The following PMFBP1 variants were observed in gnomAD, a reference collection of about 807,000 sequenced individuals.
PMFBP1 encodes the protein polyamine-modulated factor 1-binding protein 1.
PMFBP1 carries 131 observed loss-of-function variants against 137.8 expected under a neutral mutation model. That is an observed-to-expected ratio of 0.95 (90% CI 0.82 to 1.10). PMFBP1 has a LOEUF of 1.10. Ranked by LOEUF, PMFBP1 falls within the 50% of genes least tolerant of loss-of-function variation. The pLI is 0.00. For missense variants in PMFBP1, 1,199 were observed against 1,175.4 expected, an observed-to-expected ratio of 1.02 and a Z score of -0.29; for synonymous variants, 490 against 450.4, an observed-to-expected ratio of 1.09 and a Z score of -1.11.
chr16:72,117,891 C>T (rs1053359597), downstream of PMFBP1, among the ~76,000 whole-genome samples: 1 of 152,216 alleles, frequency 6.6e-6, no homozygotes, highest in South Asian at 2.1e-4. Flanking sequence ...ATCCCCTGTA[C>T]TCAGCCAGGT....
chr16:72,171,229 C>A lies in PMFBP1; in HGVS notation c.-21G>T. ...TTCATTTCCTTGGCAGCTCTCAATTCTCCTTTAACCTTTAGTATTTTCTGA... is the reference window on the plus strand; with the variant it reads ...TTCATTTCCTTGGCAGCTCTCAATTATCCTTTAACCTTTAGTATTTTCTGA... On this transcript the variant is annotated 5_prime_UTR_variant, in exon 2 of 21. Transcript: ENST00000237353. 1 of 1,613,518 alleles carries A rather than the reference C, an allele frequency of 6.2e-7. No homozygotes were observed. The highest frequency in any genetic ancestry group is 8.5e-7 in the Non-Finnish European group (1 of 1,179,606).
upstream of PMFBP1, among the ~76,000 whole-genome samples, chr16:72,173,748 G>A (rs534448143): frequency 1.2e-4 from 19 of 152,352 alleles, no homozygotes; most frequent in African/African-American, 4.3e-4. Flanking sequence ...CAGGCTTTAC[G>A]AAATGCCATG....
intron 3 of PMFBP1, among the ~76,000 whole-genome samples, chr16:72,156,053 C>A (rs554227276): frequency 2.6e-5 from 4 of 152,092 alleles, no homozygotes; most frequent in Admixed American, 6.5e-5. Context: ...GTGGTGTGAT[C>A]TTGGCTCGCT....
chr16:72,176,615 G>A (rs1434400792), upstream of PMFBP1, among the ~76,000 whole-genome samples: 1 of 152,186 alleles, frequency 6.6e-6, no homozygotes, highest in East Asian at 1.9e-4. Context: ...AATGCCTGGT[G>A]TTCCACCAGC....
At chr16:72,232,968 T>G in the PMFBP1 span, among the ~76,000 whole-genome samples, 1 of 152,070 alleles carries the variant, frequency 6.6e-6, no homozygotes, top group Non-Finnish European at 1.5e-5. Context: ...TACAAGATAT[T>G]GATATACAGA....
the PMFBP1 span, among the ~76,000 whole-genome samples, chr16:72,219,770 G>A: frequency 6.6e-6 from 1 of 152,176 alleles, no homozygotes; most frequent in Admixed American, 6.5e-5. Context: ...CCTTCACAGA[G>A]GAAAGCAGGG....
At chr16:72,159,945 G>A (rs1310303191) in intron 3 of PMFBP1, among the ~76,000 whole-genome samples, 1 of 152,140 alleles carries the variant, frequency 6.6e-6, no homozygotes, top group Non-Finnish European at 1.5e-5. Context: ...ATGACCATCT[G>A]GAGTGAGATG....
chr16:72,163,799 T>C (rs1044382380), intron 3 of PMFBP1, among the ~76,000 whole-genome samples: 6 of 152,212 alleles, frequency 3.9e-5, no homozygotes, highest in African/African-American at 1.4e-4. Context: ...GAGACTATTA[T>C]TCCAAGTGAA....
At chr16:72,180,156 G>A (rs956540917), upstream of PMFBP1, among the ~76,000 whole-genome samples, 1 of 152,136 alleles carries the variant, frequency 6.6e-6, no homozygotes, top group Non-Finnish European at 1.5e-5. Flanking sequence ...TTTGCTAAAG[G>A]GTACCTTTCC....
upstream of PMFBP1, among the ~76,000 whole-genome samples, chr16:72,177,047 T>A (rs939447499): frequency 6.6e-6 from 1 of 152,234 alleles, no homozygotes; most frequent in Non-Finnish European, 1.5e-5. Context: ...GAGGAACATT[T>A]CAGCCTTCCT....
intron 16 of PMFBP1, 142 bp from the exon 17 acceptor site, chr16:72,125,076 GC>G: frequency 7.3e-7 from 1 of 1,370,914 alleles, no homozygotes; most frequent in East Asian, 2.3e-5. Context: ...GGGCACCCAT[GC>G]TCCGATCTTT....
At chr16:72,249,374 A>G in the PMFBP1 span, among the ~76,000 whole-genome samples, 1 of 152,152 alleles carries the variant, frequency 6.6e-6, no homozygotes, top group South Asian at 2.1e-4. Context: ...GTTTGAAAAA[A>G]AAAAAAAGTA....
intron 3 of PMFBP1, among the ~76,000 whole-genome samples, chr16:72,156,041 T>C (rs970724898): frequency 6.6e-6 from 1 of 152,134 alleles, no homozygotes; most frequent in African/African-American, 2.4e-5. Flanking sequence ...GGCTGGAGTG[T>C]AGTGGTGTGA....
chr16:72,119,946 T>C lies in PMFBP1; in HGVS notation c.2912A>G (p.Glu971Gly). ...GPSRTESTQR[E>G]KVCGTLGWKG... ...CCAGCCCAAGGTGCCGCACACTTTC[T>C]CCCTCTGTGTGGACTCCGTTCTGCT... The change falls in exon 20 of 21, where the codon GAG becomes GGG. Residue 971 changes from glutamate to glycine, a missense_variant. Physicochemically the swap from Glu to Gly is moderately conservative, Grantham distance 98. Transcript: ENST00000237353. 6.2e-7 allele frequency: 1 copy of C among 1,614,244 alleles called. No homozygotes were observed.
At chr16:72,249,760 C>A in the PMFBP1 span, among the ~76,000 whole-genome samples, 4,956 of 137,874 alleles carry the variant, frequency 0.036, 128 homozygotes, top group Non-Finnish European at 0.05. Context: ...ACTAAAAATA[C>A]AAAAAAAAAA....
At chr16:72,138,183 A>G (rs778890105) in intron 7 of PMFBP1, among the ~76,000 whole-genome samples, 1 of 152,226 alleles carries the variant, frequency 6.6e-6, no homozygotes, top group East Asian at 1.9e-4. Flanking sequence ...ATATTGACAG[A>G]TGTCCAAGGA....
chr16:72,178,039 T>C (rs12921278), upstream of PMFBP1, among the ~76,000 whole-genome samples: 11,163 of 152,058 alleles, frequency 0.073, 484 homozygotes, highest in Non-Finnish European at 0.099. Context: ...CTACAGGCAC[T>C]CACCACCAAG....
At chr16:72,220,805 C>A in the PMFBP1 span, among the ~76,000 whole-genome samples, 9 of 152,194 alleles carry the variant, frequency 5.9e-5, no homozygotes, top group Non-Finnish European at 1.2e-4. Context: ...GGGCTCTGAA[C>A]AAATGGCCAG....
chr16:72,212,208 C>T, the PMFBP1 span, among the ~76,000 whole-genome samples: 1 of 151,890 alleles, frequency 6.6e-6, no homozygotes, highest in Non-Finnish European at 1.5e-5. Flanking sequence ...GAAGGTCCAG[C>T]TCAAGAGGAG....
Sources: gnomAD v4.1 joint callset for allele counts (sites outside exome capture counted in the v4.1 genomes callset) on GRCh38, gnomAD v4.1.1 for gene constraint, MANE v1.5 for transcripts, NCBI Gene and HGNC (gene_info 2026-07-23, HGNC 2026-07-21) for gene names.